SFSWAP: variants seen among roughly 807,000 people sequenced by gnomAD.
SFSWAP encodes splicing factor SWAP.
SFSWAP carries 17 observed loss-of-function variants against 100.7 expected under a neutral mutation model. The ratio of observed to expected loss-of-function variants is 0.17; its 90% CI spans 0.12 to 0.25. The LOEUF is 0.25. SFSWAP is among the 10% of genes least tolerant of loss of function. SFSWAP has a pLI of 1.00. For missense variants in SFSWAP, 1,005 were observed against 1,262.6 expected (o/e 0.80, Z 3.09); for synonymous variants, 504 against 510.1 (o/e 0.99, Z 0.16).
chr12:131,788,594 C>T (rs1421411901), intron 15 of SFSWAP, among the ~76,000 whole-genome samples: 2 of 149,694 alleles, frequency 1.3e-5, no homozygotes, highest in East Asian at 4.1e-4. Context: ...GGCGTAATCA[C>T]AGCTCACTGC....
intron 7 of SFSWAP, among the ~76,000 whole-genome samples, chr12:131,731,298 G>C (rs941334397): frequency 6.6e-6 from 1 of 152,178 alleles, no homozygotes; most frequent in Non-Finnish European, 1.5e-5. Context: ...GAGGTTCCAG[G>C]GCGCCTGACT....
chr12:131,783,822 A>ATATATATAT (rs1491403303), intron 14 of SFSWAP: 10 of 125,308 alleles, frequency 8.0e-5, no homozygotes, highest in Non-Finnish European at 1.7e-4. Flanking sequence ...ATATATATAT[A>ATATATATAT]ATTCTTTGTA....
intron 7 of SFSWAP, among the ~76,000 whole-genome samples, chr12:131,745,514 A>G (rs1593140062): frequency 6.6e-6 from 1 of 152,226 alleles, no homozygotes; most frequent in East Asian, 1.9e-4. Context: ...CTCATTCTTG[A>G]GAATGCAGAA....
chr12:131,755,244 C>G, intron 9 of SFSWAP, 142 bp from the exon 10 acceptor site: 1 of 633,770 alleles, frequency 1.6e-6, no homozygotes, highest in South Asian at 1.9e-5. Flanking sequence ...TGCAGTCTCC[C>G]TCGTCTATAA....
intron 7 of SFSWAP, among the ~76,000 whole-genome samples, chr12:131,737,596 T>C (rs1880156669): frequency 6.6e-6 from 1 of 152,142 alleles, no homozygotes; most frequent in South Asian, 2.1e-4. Flanking sequence ...CTTTCCCCCG[T>C]AGAGACTTGC....
chr12:131,722,759 G>A (rs1483662223), intron 4 of SFSWAP, among the ~76,000 whole-genome samples: 1 of 151,978 alleles, frequency 6.6e-6, no homozygotes, highest in Non-Finnish European at 1.5e-5. Context: ...ACCAGCCTGG[G>A]CAACATGGTG....
At chr12:131,736,514 C>T (rs737434) in intron 7 of SFSWAP, among the ~76,000 whole-genome samples, 27,008 of 152,016 alleles carry the variant, frequency 0.18, 2,907 homozygotes, top group African/African-American at 0.3. Context: ...AATTCAGAGG[C>T]AAAAATGCCC....
chr12:131,792,118 ACTG>A, intron 15 of SFSWAP, among the ~76,000 whole-genome samples: 1 of 147,948 alleles, frequency 6.8e-6, no homozygotes, highest in Non-Finnish European at 1.5e-5. Flanking sequence ...ACGGATCAGT[ACTG>A]TGTGTGTGCA....
At position 131,755,427 on chromosome 12, in the gene SFSWAP, A is replaced by G; in HGVS notation, c.1496A>G (p.Tyr499Cys). 6.2e-7 allele frequency: 1 copy of G among 1,613,998 alleles called. No homozygotes were observed. Among genetic ancestry groups the G allele is most frequent in the Non-Finnish European group, 8.5e-7 (1 of 1,179,960 alleles). Reference protein sequence around the residue: ...LQPWHQYNAYYEFKKQFFLQK... With the variant: ...LQPWHQYNAYCEFKKQFFLQK... ...CCGTGGCACCAGTATAATGCTTATTATGAGTTTAAGAAGCAGTTCTTCCTC... is the reference window on the plus strand; with the variant it reads ...CCGTGGCACCAGTATAATGCTTATTGTGAGTTTAAGAAGCAGTTCTTCCTC... Residue 499 changes from tyrosine (Y) to cysteine (C), a missense_variant, in exon 10 of 18, where the codon TAT (tyrosine) becomes TGT (cysteine). Around this residue, in one of 7 missense-constraint regions of SFSWAP, gnomAD observed 311 missense variants for 317.8 expected, o/e 0.98. Transcript: ENST00000261674.
chr12:131,720,754 T>C (rs1878398072), intron 4 of SFSWAP, among the ~76,000 whole-genome samples: 2 of 152,232 alleles, frequency 1.3e-5, no homozygotes, highest in South Asian at 4.1e-4. Context: ...GCCCTTTTAA[T>C]TCCTGCCTCC....
rs550998477 is a variant in SFSWAP, at chr12:131,756,660, C to G, written c.1720+16C>G. The G allele has an allele frequency of 4.2e-4, 652 of 1,566,488 alleles. 6 individuals are homozygous for G. The South Asian group carries it at 7.2e-3, about 17-fold the overall frequency. The stretch of plus-strand genomic sequence containing the variant: ...CTGGTGAAAGGTATGCTGCCACTTG[C>G]ATGTTGGCCTTGCACATTCCACCAT... On this transcript the variant is annotated intron_variant, in intron 11 of 17. Transcript: ENST00000261674.
chr12:131,726,857 G>A (rs1879027435), intron 5 of SFSWAP, 83 bp from the exon 6 acceptor site: 1 of 852,686 alleles, frequency 1.2e-6, no homozygotes, highest in Non-Finnish European at 1.9e-6. Context: ...AGATAACTTG[G>A]CTGCTTCTAA....
intron 4 of SFSWAP, among the ~76,000 whole-genome samples, chr12:131,723,795 T>G (rs1321259363): frequency 2.0e-5 from 3 of 152,216 alleles, no homozygotes; most frequent in African/African-American, 7.2e-5. Flanking sequence ...TTCACATTAA[T>G]GGAATTTCCA....
chr12:131,768,760 C>T (rs1038473689), intron 13 of SFSWAP, among the ~76,000 whole-genome samples: 7 of 152,194 alleles, frequency 4.6e-5, no homozygotes, highest in African/African-American at 1.2e-4. Context: ...TCTTCAGAGT[C>T]GGGGCTGCCT....
chr12:131,787,630 G>T (rs1442866351), intron 15 of SFSWAP, among the ~76,000 whole-genome samples: 2 of 152,190 alleles, frequency 1.3e-5, no homozygotes, highest in African/African-American at 4.8e-5. Flanking sequence ...TGGGGGTCAG[G>T]ACACTCAGGG....
At chr12:131,797,600 G>A (rs1447575319) in intron 16 of SFSWAP, among the ~76,000 whole-genome samples, 1 of 152,282 alleles carries the variant, frequency 6.6e-6, no homozygotes, top group Non-Finnish European at 1.5e-5. Flanking sequence ...GAGCCCAGGA[G>A]TGGAGCAGTC....
intron 4 of SFSWAP, among the ~76,000 whole-genome samples, chr12:131,723,498 A>G (rs1878677138): frequency 6.6e-6 from 1 of 152,074 alleles, no homozygotes; most frequent in Non-Finnish European, 1.5e-5. Flanking sequence ...CTGTATTTGT[A>G]TTTTTGCCTT....
At chr12:131,727,667 A>G (rs1476341565) in intron 6 of SFSWAP, among the ~76,000 whole-genome samples, 3 of 152,146 alleles carry the variant, frequency 2.0e-5, no homozygotes, top group Non-Finnish European at 4.4e-5. Flanking sequence ...TTTAGTTGTG[A>G]TATCATCATA....
chr12:131,757,873 T>C (rs527832317), intron 11 of SFSWAP: 1 of 152,138 alleles, frequency 6.6e-6, no homozygotes, highest in Non-Finnish European at 1.5e-5. Flanking sequence ...ATGTAATAAG[T>C]AGAGGAGGAA....
Sources: gnomAD v4.1 joint callset for allele counts (sites outside exome capture counted in the v4.1 genomes callset) on GRCh38, gnomAD v4.1.1 for gene constraint, gnomAD v4.1.1 regional missense constraint, MANE v1.5 for transcripts, NCBI Gene and HGNC (gene_info 2026-07-23, HGNC 2026-07-21) for gene names.